RBM46: variants seen among roughly 807,000 people sequenced by gnomAD.
RBM46 encodes probable RNA-binding protein 46.
In RBM46, 12 loss-of-function variants were observed where a neutral mutation model predicts 43.3. The observed-to-expected ratio is 0.28, with a 90% CI of 0.18 to 0.45. RBM46 has a LOEUF of 0.45. Ranked by LOEUF, RBM46 falls within the 20% of genes least tolerant of loss-of-function variation. RBM46 has a pLI of 1.00. For synonymous variants in RBM46, 205 were observed against 207.6 expected (o/e 0.99, Z 0.11); for missense variants, 412 against 639.1 (o/e 0.64, Z 3.83).
intron 4 of RBM46, among the ~76,000 whole-genome samples, chr4:154,823,799 T>C (rs1735829530): frequency 6.6e-6 from 1 of 151,962 alleles, no homozygotes; most frequent in African/African-American, 2.4e-5. Flanking sequence ...CTGACAAGTA[T>C]GTGGTATATG....
rs34828322 is a variant in RBM46, at chr4:154,826,739, C to CTTT, written c.1403-1113_1403-1111dup. The CTTT allele has an allele frequency of 7.3e-4, 683 of 934,020 alleles. 4 individuals carry two copies. In the African/African-American group the frequency reaches 7.5e-3, roughly 10 times the overall value. 57.9% of individuals were successfully genotyped at this position (934,020 alleles called of 1,614,324 possible). On this transcript the variant is annotated intron_variant, in intron 4 of 4. Transcript: ENST00000281722. The stretch of plus-strand genomic sequence containing the variant: ...TATATTTAACTGATTTTCATTTTTC[C>CTTT]TTTTTTTTTTTTTTTTTTCCTGAAC...
intron 4 of RBM46, among the ~76,000 whole-genome samples, chr4:154,799,964 G>T (rs1169110519): frequency 1.3e-5 from 2 of 151,732 alleles, no homozygotes; most frequent in East Asian, 3.9e-4. Context: ...GTAGAGACAG[G>T]GTTTCACTGT....
At chr4:154,811,816 G>A (rs1355199987) in intron 4 of RBM46, among the ~76,000 whole-genome samples, 1 of 151,876 alleles carries the variant, frequency 6.6e-6, no homozygotes, top group Non-Finnish European at 1.5e-5. Context: ...GAGTAGCTGG[G>A]ATTACAGGCA....
chr4:154,825,309 C>T (rs764042941), intron 4 of RBM46, among the ~76,000 whole-genome samples: 3 of 152,188 alleles, frequency 2.0e-5, no homozygotes, highest in Non-Finnish European at 2.9e-5. Context: ...TTATATGTTA[C>T]AATAGATCTG....
At chr4:154,788,816 C>T (rs1371272613) in intron 1 of RBM46, among the ~76,000 whole-genome samples, 3 of 152,194 alleles carry the variant, frequency 2.0e-5, no homozygotes, top group Non-Finnish European at 4.4e-5. Flanking sequence ...TATCCATGAG[C>T]ATGGAATGTT....
intron 4 of RBM46, among the ~76,000 whole-genome samples, chr4:154,811,700 T>A (rs113807005): frequency 0.02 from 2,993 of 150,122 alleles, 59 homozygotes; most frequent in African/African-American, 0.048. Context: ...TGTGTGTGTG[T>A]GACAGAGTTT....
intron 4 of RBM46, among the ~76,000 whole-genome samples, chr4:154,811,289 G>T (rs1265785801): frequency 6.6e-6 from 1 of 152,080 alleles, no homozygotes; most frequent in South Asian, 2.1e-4. Flanking sequence ...ATGGCATTTC[G>T]AGCCAGATTT....
At chr4:154,790,539 A>T (rs967530375) in intron 1 of RBM46, 3 of 152,248 alleles carry the variant, frequency 2.0e-5, no homozygotes, top group African/African-American at 7.2e-5. Context: ...AATATCACAT[A>T]TACCTGTTTT....
intron 4 of RBM46, among the ~76,000 whole-genome samples, chr4:154,803,494 A>T (rs1271092347): frequency 6.6e-6 from 1 of 151,980 alleles, no homozygotes; most frequent in Non-Finnish European, 1.5e-5. Flanking sequence ...TGAGGTCAGG[A>T]GATAGAGACC....
rs184082600 is a variant in RBM46 at position 154,821,026 on chromosome 4, C to T, written c.1403-6842C>T. The stretch of plus-strand genomic sequence containing the variant: ...AAGTTAATTTGACCTTTTTGTGCTT[C>T]ACTTCCTCATTGACAAAGGGGATAA... On this transcript the variant is annotated intron_variant, in intron 4 of 4. Coordinates refer to ENST00000281722, the MANE Select transcript of RBM46 (RefSeq NM_144979.5). Among the ~76,000 whole-genome samples the T allele has an allele frequency of 5.3e-5, 8 of 151,830 alleles. No individual in the cohort carries two copies. The East Asian group carries it at 1.5e-3, about 29-fold the overall frequency.
intron 1 of RBM46, among the ~76,000 whole-genome samples, chr4:154,795,941 T>A (rs1734330999): frequency 6.6e-6 from 1 of 152,090 alleles, no homozygotes; most frequent in South Asian, 2.1e-4. Flanking sequence ...GTGGATTGCT[T>A]GAGCTCAGGA....
chr4:154,794,408 C>G, intron 1 of RBM46, among the ~76,000 whole-genome samples: 1 of 152,068 alleles, frequency 6.6e-6, no homozygotes, highest in East Asian at 1.9e-4. Flanking sequence ...TCTCGACCTC[C>G]TGACCTCGTG....
At chr4:154,821,343 A>G (rs1735714023) in intron 4 of RBM46, among the ~76,000 whole-genome samples, 2 of 151,626 alleles carry the variant, frequency 1.3e-5, no homozygotes, top group Admixed American at 6.6e-5. Flanking sequence ...GAATTGCTGT[A>G]TTTTCTAAGG....
Position 154,828,128 on chromosome 4 carries a change from T to A in RBM46, c.*61T>A. ...ATTTGTAGTATGAAAACTTGCAAAT[T>A]AAAATATTGTTTTATTTTAGAATCG... On this transcript the variant is annotated 3_prime_UTR_variant, in exon 5 of 5. Coordinates refer to ENST00000281722, the MANE Select transcript of RBM46 (RefSeq NM_144979.5). 8.0e-7 allele frequency: 1 copy of A among 1,242,274 alleles called. No individual in the cohort carries two copies. The highest frequency in any genetic ancestry group is 1.2e-6 in the Non-Finnish European group (1 of 847,582). 77.0% of individuals were successfully genotyped at this position (1,242,274 alleles called of 1,614,324 possible).
chr4:154,807,439 A>G (rs1375284889), intron 4 of RBM46, among the ~76,000 whole-genome samples: 2 of 151,680 alleles, frequency 1.3e-5, no homozygotes, highest in Non-Finnish European at 3.0e-5. Flanking sequence ...AATATTTAGT[A>G]GACAATTTTT....
chr4:154,814,380 A>C (rs1735325409), intron 4 of RBM46, among the ~76,000 whole-genome samples: 1 of 152,088 alleles, frequency 6.6e-6, no homozygotes, highest in Non-Finnish European at 1.5e-5. Flanking sequence ...AAGGAATGAC[A>C]CAAATAAGAT....
At chr4:154,826,025 A>C (rs993090359) in intron 4 of RBM46, among the ~76,000 whole-genome samples, 1 of 152,202 alleles carries the variant, frequency 6.6e-6, no homozygotes, top group Non-Finnish European at 1.5e-5. Flanking sequence ...CTGTATTTGC[A>C]TAATAATTTT....
intron 4 of RBM46, among the ~76,000 whole-genome samples, chr4:154,806,262 C>G (rs191959846): frequency 6.6e-6 from 1 of 151,816 alleles, no homozygotes; most frequent in East Asian, 1.9e-4. Context: ...GTGAGAGAAG[C>G]AGCTTAATAG....
chr4:154,785,337 G>A (rs368962221), intron 1 of RBM46, among the ~76,000 whole-genome samples: 4 of 151,676 alleles, frequency 2.6e-5, no homozygotes, highest in African/African-American at 9.7e-5. Flanking sequence ...CAAAAAATAG[G>A]TCTGTAAGGT....
Sources: gnomAD v4.1 joint callset for allele counts (sites outside exome capture counted in the v4.1 genomes callset) on GRCh38, gnomAD v4.1.1 for gene constraint, MANE v1.5 for transcripts, NCBI Gene and HGNC (gene_info 2026-07-23, HGNC 2026-07-21) for gene names.